The following TMTC2 variants were observed in gnomAD, a reference collection of about 807,000 sequenced individuals.
The protein encoded by TMTC2 is protein O-mannosyl-transferase TMTC2.
Under a neutral mutation model 82.4 loss-of-function variants are expected in TMTC2, and 43 were observed. The ratio of observed to expected loss-of-function variants is 0.52; its 90% CI spans 0.41 to 0.67. The LOEUF is 0.67. Ranked by LOEUF, TMTC2 falls within the 30% of genes least tolerant of loss-of-function variation. The pLI is 0.00. For synonymous variants in TMTC2, 408 were observed against 381.9 expected (o/e 1.07, Z -0.80); for missense variants, 919 against 1,012.4 (o/e 0.91, Z 1.25).
At chr12:82,986,134 G>C in intron 8 of TMTC2, 88 bp downstream of exon 8, 3 of 1,568,628 alleles carry the variant, frequency 1.9e-6, no homozygotes, top group Non-Finnish European at 2.6e-6. Flanking sequence ...TTTACAGCCA[G>C]TTATCTAAGC....
At chr12:82,856,408 A>G (rs1475989448) in intron 1 of TMTC2, among the ~76,000 whole-genome samples, 2 of 152,138 alleles carry the variant, frequency 1.3e-5, no homozygotes, top group African/African-American at 2.4e-5. Context: ...TGGGCCCTTA[A>G]TACTCAACAT....
At chr12:82,948,703 G>C (rs77325085) in intron 4 of TMTC2, among the ~76,000 whole-genome samples, 8,848 of 152,276 alleles carry the variant, frequency 0.058, 324 homozygotes, top group Non-Finnish European at 0.08. Context: ...TATGTTTAAA[G>C]TGAGTGCATT....
At chr12:83,031,693 G>A (rs1881436698) in intron 9 of TMTC2, among the ~76,000 whole-genome samples, 2 of 152,062 alleles carry the variant, frequency 1.3e-5, no homozygotes, top group African/African-American at 4.8e-5. Context: ...TAAATATAAG[G>A]AAATAAAACC....
chr12:83,085,455 G>A (rs1377744098), intron 11 of TMTC2, among the ~76,000 whole-genome samples: 1 of 152,028 alleles, frequency 6.6e-6, no homozygotes, highest in East Asian at 1.9e-4. Flanking sequence ...GATTTCATTT[G>A]TTTTTGAAAC....
At chr12:82,811,912 G>A (rs527432750) in intron 1 of TMTC2, among the ~76,000 whole-genome samples, 2 of 148,246 alleles carry the variant, frequency 1.3e-5, no homozygotes, top group South Asian at 4.2e-4. Flanking sequence ...CACCTCCTGG[G>A]TTCAAGCAAT....
At chr12:82,834,174 C>T (rs1272683988) in intron 1 of TMTC2, among the ~76,000 whole-genome samples, 1 of 152,082 alleles carries the variant, frequency 6.6e-6, no homozygotes, top group Non-Finnish European at 1.5e-5. Flanking sequence ...AATGAGACAA[C>T]TTACAGGAAG....
At chr12:83,058,057 C>T (rs1019896424) in intron 10 of TMTC2, among the ~76,000 whole-genome samples, 3 of 151,802 alleles carry the variant, frequency 2.0e-5, no homozygotes, top group African/African-American at 7.2e-5. Flanking sequence ...CCAACTTTCT[C>T]TTTACATCTT....
chr12:83,110,108 A>G (rs114367039), intron 11 of TMTC2, among the ~76,000 whole-genome samples: 2,316 of 152,324 alleles, frequency 0.015, 79 homozygotes, highest in African/African-American at 0.053. Flanking sequence ...AAGTAATCAC[A>G]GAGAACTTCC....
chr12:82,760,388 AATTAT>A (rs1301300716), intron 1 of TMTC2: 3 of 151,582 alleles, frequency 2.0e-5, no homozygotes, highest in Non-Finnish European at 4.4e-5. Context: ...TTATTCAATG[AATTAT>A]ATTTTCTTAG....
At chr12:83,062,198 A>G (rs1034284826) in intron 11 of TMTC2, among the ~76,000 whole-genome samples, 3 of 151,774 alleles carry the variant, frequency 2.0e-5, no homozygotes, top group East Asian at 1.9e-4. Context: ...AATACCTATT[A>G]TTGTTTGATT....
chr12:82,795,482 T>C (rs1878676795), intron 1 of TMTC2, among the ~76,000 whole-genome samples: 1 of 152,028 alleles, frequency 6.6e-6, no homozygotes, highest in Non-Finnish European at 1.5e-5. Flanking sequence ...TAAAAGAACA[T>C]TGGTTTCCAC....
At chr12:82,931,941 C>G (rs1210652021) in intron 4 of TMTC2, among the ~76,000 whole-genome samples, 1 of 151,942 alleles carries the variant, frequency 6.6e-6, no homozygotes, top group Admixed American at 6.6e-5. Flanking sequence ...GACAGCACCT[C>G]CAGAGTTGGA....
intron 3 of TMTC2, among the ~76,000 whole-genome samples, chr12:82,928,987 G>A (rs1380555883): frequency 3.3e-5 from 5 of 152,146 alleles, no homozygotes; most frequent in Non-Finnish European, 7.3e-5. Context: ...AAATTGTAAA[G>A]AGTATCAAAC....
At chr12:82,728,713 C>A (rs1198865002) in intron 1 of TMTC2, among the ~76,000 whole-genome samples, 3 of 152,232 alleles carry the variant, frequency 2.0e-5, no homozygotes, top group Non-Finnish European at 4.4e-5. Flanking sequence ...TATGGGAGCC[C>A]CTTTCTGGGC....
chr12:83,114,565 G>T (rs531299540), intron 11 of TMTC2, among the ~76,000 whole-genome samples: 1 of 152,018 alleles, frequency 6.6e-6, no homozygotes, highest in East Asian at 1.9e-4. Flanking sequence ...CCTCATTTCC[G>T]TGATTTTTAA....
chr12:82,857,118 C>T lies in TMTC2; in HGVS notation c.192C>T (p.Ser64=), dbSNP rs1157275968. The change falls in exon 2 of 12, where the codon TCC becomes TCT. Residue 64 remains serine (S), a synonymous_variant. Transcript: ENST00000321196. The part of the protein sequence containing the change: ...TLLTHSGSHK[S]YRPLCTLSFR... ...TAACCCACAGTGGCAGCCACAAGTC[C>T]TACCGGCCACTCTGCACTCTTTCTT... 1 of 1,614,140 alleles carries T rather than the reference C, an allele frequency of 6.2e-7. No homozygotes were observed. Among genetic ancestry groups the T allele is most frequent in the Admixed American group, 1.7e-5 (1 of 60,028 alleles).
intron 7 of TMTC2, among the ~76,000 whole-genome samples, chr12:82,982,177 G>A (rs951388244): frequency 2.0e-5 from 3 of 151,752 alleles, no homozygotes; most frequent in African/African-American, 7.2e-5. Flanking sequence ...TATATGGCAG[G>A]CAGCTTGATG....
chr12:82,831,044 CAT>C (rs1869719180), intron 1 of TMTC2, among the ~76,000 whole-genome samples: 1 of 152,116 alleles, frequency 6.6e-6, no homozygotes, highest in Non-Finnish European at 1.5e-5. Flanking sequence ...AAAGAGAAAA[CAT>C]GGTTGAAATA....
intron 7 of TMTC2, among the ~76,000 whole-genome samples, chr12:82,971,602 C>G (rs1642609540): frequency 6.6e-6 from 1 of 151,908 alleles, no homozygotes; most frequent in African/African-American, 2.4e-5. Context: ...TCGTTTTACG[C>G]CTATTTACTA....
Sources: gnomAD v4.1 joint callset for allele counts (sites outside exome capture counted in the v4.1 genomes callset) on GRCh38, gnomAD v4.1.1 for gene constraint, MANE v1.5 for transcripts, NCBI Gene and HGNC (gene_info 2026-07-23, HGNC 2026-07-21) for gene names.